CPNE4: variants seen among roughly 807,000 people sequenced by gnomAD.
CPNE4 encodes copine-4.
CPNE4 carries 25 observed loss-of-function variants against 67.9 expected under a neutral mutation model. That is an observed-to-expected ratio of 0.37 (90% confidence interval 0.27 to 0.51). The LOEUF (loss-of-function observed/expected upper bound fraction) is 0.51. CPNE4 is among the 20% of genes least tolerant of loss of function. CPNE4 has a pLI of 0.93. For synonymous variants in CPNE4, 242 were observed against 244.9 expected (o/e 0.99, Z 0.11); for missense variants, 464 against 690.8 (o/e 0.67, Z 3.68).
chr3:131,601,748 G>C (rs1191686209), intron 7 of CPNE4, among the ~76,000 whole-genome samples: 1 of 152,044 alleles, frequency 6.6e-6, no homozygotes, highest in Non-Finnish European at 1.5e-5. Context: ...TCCAGTTAAG[G>C]CTCTCTTCTT....
intron 6 of CPNE4, among the ~76,000 whole-genome samples, chr3:131,670,783 A>G (rs563254334): frequency 3.8e-4 from 57 of 150,796 alleles, no homozygotes; most frequent in African/African-American, 1.3e-3. Flanking sequence ...CTACTTAGGA[A>G]GTCTTTAGTT....
intron 1 of CPNE4, among the ~76,000 whole-genome samples, chr3:131,933,111 C>A (rs2071119597): frequency 6.6e-6 from 1 of 151,958 alleles, no homozygotes; most frequent in Non-Finnish European, 1.5e-5. Context: ...TTAGATGGTA[C>A]CTTGTGGACT....
At chr3:131,650,239 T>A (rs1587678) in intron 7 of CPNE4, among the ~76,000 whole-genome samples, 1 of 152,042 alleles carries the variant, frequency 6.6e-6, no homozygotes, top group Non-Finnish European at 1.5e-5. Context: ...ATATATGACA[T>A]AAAAAATAAT....
At chr3:131,667,924 G>A (rs1016982426) in intron 7 of CPNE4, among the ~76,000 whole-genome samples, 1 of 152,100 alleles carries the variant, frequency 6.6e-6, no homozygotes, top group Non-Finnish European at 1.5e-5. Flanking sequence ...ACCTCCCTGG[G>A]AATAGGAGGG....
chr3:131,924,168 C>T (rs769925038), intron 1 of CPNE4, among the ~76,000 whole-genome samples: 6 of 152,184 alleles, frequency 3.9e-5, no homozygotes, highest in East Asian at 1.9e-4. Flanking sequence ...GTATAGCTAA[C>T]GATAGCCACA....
chr3:131,630,446 A>C (rs1345210691), intron 7 of CPNE4, among the ~76,000 whole-genome samples: 2 of 152,220 alleles, frequency 1.3e-5, no homozygotes, highest in Non-Finnish European at 2.9e-5. Flanking sequence ...CCTCAAACAG[A>C]AAATTTAATT....
chr3:131,968,753 TTGG>T (rs1360102432), intron 1 of CPNE4, among the ~76,000 whole-genome samples: 1 of 152,168 alleles, frequency 6.6e-6, no homozygotes, highest in African/African-American at 2.4e-5. Flanking sequence ...TTTTACACTG[TTGG>T]TGGGAGTGTA....
intron 4 of CPNE4, among the ~76,000 whole-genome samples, chr3:131,699,467 T>C (rs2081241062): frequency 1.3e-5 from 2 of 152,186 alleles, no homozygotes; most frequent in African/African-American, 4.8e-5. Context: ...TCTTTGTTTG[T>C]CAGGAAACAA....
intron 2 of CPNE4, among the ~76,000 whole-genome samples, chr3:131,885,717 A>G (rs1397287348): frequency 6.6e-6 from 1 of 151,638 alleles, no homozygotes; most frequent in Non-Finnish European, 1.5e-5. Context: ...CAGTCCCCAC[A>G]GTGTGATGTT....
chr3:131,788,733 G>A (rs867637513), intron 2 of CPNE4, among the ~76,000 whole-genome samples: 6 of 151,902 alleles, frequency 3.9e-5, no homozygotes, highest in African/African-American at 9.7e-5. Flanking sequence ...ACTGTGCAGC[G>A]ATTAAAAATC....
At chr3:131,999,240 G>GGAAAAAAAA (rs2073366807) in intron 1 of CPNE4, among the ~76,000 whole-genome samples, 2 of 10,356 alleles carry the variant, frequency 1.9e-4, no homozygotes, top group Admixed American at 5.0e-4. Flanking sequence ...TTTATCCAAG[G>GGAAAAAAAA]TAAAAAAAAA....
chr3:131,716,061 G>A (rs1232466242), intron 3 of CPNE4, among the ~76,000 whole-genome samples: 1 of 152,218 alleles, frequency 6.6e-6, no homozygotes, highest in South Asian at 2.1e-4. Context: ...GCTTTATTTG[G>A]CATTTTTGCT....
At chr3:131,601,672 G>A (rs552666132) in intron 7 of CPNE4, among the ~76,000 whole-genome samples, 1 of 152,296 alleles carries the variant, frequency 6.6e-6, no homozygotes, top group South Asian at 2.1e-4. Context: ...CAACCGGATG[G>A]TGTAGAGATA....
At chr3:131,856,461 G>C (rs2086447474) in intron 2 of CPNE4, among the ~76,000 whole-genome samples, 1 of 151,846 alleles carries the variant, frequency 6.6e-6, no homozygotes. Flanking sequence ...GCGTCACTGT[G>C]AATGAGCCAG....
At chr3:131,575,203 G>T (rs1188582488) in intron 9 of CPNE4, 73 bp from the exon 10 acceptor site, 2 of 1,286,520 alleles carry the variant, frequency 1.6e-6, no homozygotes, top group African/African-American at 1.5e-5. Context: ...AGGCCTAAAG[G>T]TTGGTGACTG....
At chr3:131,925,647 T>C in intron 1 of CPNE4, 1 of 152,110 alleles carries the variant, frequency 6.6e-6, no homozygotes, top group Non-Finnish European at 1.5e-5. Context: ...GAAGAGAAAA[T>C]ACATCAATGT....
chr3:131,669,632 A>C (rs1171404067), intron 7 of CPNE4, 43 bp downstream of exon 7: 2 of 1,475,316 alleles, frequency 1.4e-6, no homozygotes, highest in Non-Finnish European at 1.9e-6. Flanking sequence ...AAGATTAAAT[A>C]CTTTTTTTAA....
chr3:131,678,516 T>G (rs1239036570), intron 6 of CPNE4, among the ~76,000 whole-genome samples: 1 of 152,138 alleles, frequency 6.6e-6, no homozygotes, highest in African/African-American at 2.4e-5. Flanking sequence ...TTTGTGGCAG[T>G]TTTCAAGGGG....
At chr3:131,563,830 G>A (rs1222692438) in intron 11 of CPNE4, among the ~76,000 whole-genome samples, 1 of 152,056 alleles carries the variant, frequency 6.6e-6, no homozygotes, top group African/African-American at 2.4e-5. Context: ...TAATAGACCT[G>A]TGCTTCTACG....
Sources: allele counts gnomAD v4.1 joint callset (sites outside exome capture counted in the v4.1 genomes callset), GRCh38; gene constraint gnomAD v4.1.1; transcripts MANE v1.5; gene names NCBI Gene and HGNC (gene_info 2026-07-23, HGNC 2026-07-21).